Variants in FOXN2 observed in about 807,000 individuals in gnomAD.
FOXN2 encodes forkhead box N2, also known as forkhead box protein N2.
A neutral mutation model predicts 41.2 loss-of-function variants in FOXN2; 19 were observed. The ratio of observed to expected loss-of-function variants is 0.46; its 90% CI spans 0.32 to 0.68. The LOEUF (loss-of-function observed/expected upper bound fraction) is 0.68. Among genes scored for constraint, FOXN2 ranks in the 30% least tolerant of loss-of-function variants. FOXN2 has a pLI of 0.03. For missense variants in FOXN2, 587 were observed against 509.4 expected, an observed-to-expected ratio of 1.15 and a Z score of -1.47; for synonymous variants, 195 against 176.8, an observed-to-expected ratio of 1.10 and a Z score of -0.82.
intron 5 of FOXN2, 146 bp downstream of exon 5, chr2:48,362,853 T>A (rs1242036900): frequency 7.4e-6 from 5 of 679,992 alleles, no homozygotes; most frequent in African/African-American, 5.3e-5. Flanking sequence ...GTTGTAACAT[T>A]GTGGCACAAC....
At chr2:48,313,755 G>A (rs980828080), upstream of FOXN2, among the ~76,000 whole-genome samples, 14 of 151,996 alleles carry the variant, frequency 9.2e-5, no homozygotes, top group African/African-American at 2.9e-4. Flanking sequence ...CTAAGCCTCC[G>A]TTTCCGTATC....
At chr2:48,351,619 C>T (rs1467016071) in intron 3 of FOXN2, among the ~76,000 whole-genome samples, 7 of 152,084 alleles carry the variant, frequency 4.6e-5, no homozygotes, top group Non-Finnish European at 7.4e-5. Context: ...TCATAAGGAG[C>T]GCACAGCCTA....
At chr2:48,354,909 A>G (rs1671691592) in intron 3 of FOXN2, among the ~76,000 whole-genome samples, 1 of 152,208 alleles carries the variant, frequency 6.6e-6, no homozygotes, top group African/African-American at 2.4e-5. Flanking sequence ...ATCTATTAGA[A>G]TTCAAAAATT....
rs897460530 is a variant in FOXN2 at position 48,376,894 on chromosome 2, A to G, written c.*1451A>G. The stretch of plus-strand genomic sequence containing the variant: ...ATTGTATACATATGTACACATACAT[A>G]TACACATATGCACAGTCAAGGTCAT... On this transcript the variant is annotated 3_prime_UTR_variant, in exon 7 of 7. Coordinates refer to ENST00000340553, the MANE Select transcript of FOXN2 (RefSeq NM_002158.4). The G allele has an allele frequency of 2.6e-5, 4 of 152,540 alleles. No homozygotes were observed. Among genetic ancestry groups the G allele is most frequent in the Non-Finnish European group, 5.9e-5 (4 of 67,942 alleles). The allele number at this position is 152,540 out of a possible 1,614,324, so 9.4% of individuals were successfully genotyped here.
intron 1 of FOXN2, among the ~76,000 whole-genome samples, chr2:48,323,853 A>G (rs780122554): frequency 6.6e-6 from 1 of 152,024 alleles, no homozygotes; most frequent in Non-Finnish European, 1.5e-5. Flanking sequence ...TTTTTATAGT[A>G]TAGTTTCAGG....
intron 1 of FOXN2, among the ~76,000 whole-genome samples, chr2:48,325,844 C>CTTTTT (rs959535701): frequency 2.8e-4 from 29 of 102,882 alleles, no homozygotes; most frequent in African/African-American, 5.8e-4. Context: ...CTCAAGATTT[C>CTTTTT]TTTTTTTTTT....
intron 2 of FOXN2, among the ~76,000 whole-genome samples, chr2:48,339,814 G>C (rs954837680): frequency 1.3e-5 from 2 of 152,140 alleles, no homozygotes; most frequent in Admixed American, 6.6e-5. Context: ...TGTATACCAG[G>C]TGATATGAAC....
At chr2:48,327,629 G>C (rs1166744857) in intron 1 of FOXN2, among the ~76,000 whole-genome samples, 1 of 152,056 alleles carries the variant, frequency 6.6e-6, no homozygotes, top group East Asian at 1.9e-4. Context: ...ATTTTTAGTA[G>C]AGACGGTGTT....
In FOXN2 at chr2:48,376,598, A is replaced by G. The variant is rs547460152; in HGVS notation, c.*1155A>G. The G allele has an allele frequency of 1.3e-5, 2 of 152,632 alleles. No individual in the cohort carries two copies. Among genetic ancestry groups the G allele is most frequent in the Admixed American group, 1.3e-4 (2 of 15,276 alleles). The allele number at this position is 152,632 out of a possible 1,614,324, so 9.5% of individuals were successfully genotyped here. On this transcript the variant is annotated 3_prime_UTR_variant, in exon 7 of 7. Transcript: ENST00000340553. ...TTTTGAGGAGGCAGTGTAACAACCT[A>G]TAGTGCCATTGATCCATGAGAAAAA...
intron 1 of FOXN2, among the ~76,000 whole-genome samples, chr2:48,321,133 G>C (rs1669288411): frequency 6.6e-6 from 1 of 152,086 alleles, no homozygotes; most frequent in African/African-American, 2.4e-5. Context: ...CTGTAGTAGA[G>C]CATAAAAATG....
At position 48,375,223 on chromosome 2, in the gene FOXN2, A is replaced by G. The variant is rs1230830192; in HGVS notation, c.1076A>G (p.Asp359Gly). The G allele has an allele frequency of 3.7e-6, 6 of 1,614,164 alleles. No homozygotes were observed. The highest frequency in any genetic ancestry group is 2.5e-6 in the Non-Finnish European group (3 of 1,180,006). The change falls in exon 7 of 7, where the codon GAT (aspartate) becomes GGT (glycine). Residue 359 changes from aspartate (D) to glycine (G), a missense_variant. Transcript: ENST00000340553. Reference protein sequence around the residue: ...SEEDTDVDYEDDPLGDSGYAS... With the variant: ...SEEDTDVDYEGDPLGDSGYAS... ...GAAGATACAGACGTTGATTATGAAGATGATCCTCTTGGAGACAGTGGCTAT... is the reference window on the plus strand; with the variant it reads ...GAAGATACAGACGTTGATTATGAAGGTGATCCTCTTGGAGACAGTGGCTAT...
intron 3 of FOXN2, among the ~76,000 whole-genome samples, chr2:48,353,787 T>C (rs76671606): frequency 6.6e-6 from 1 of 152,296 alleles, no homozygotes; most frequent in East Asian, 1.9e-4. Flanking sequence ...TTGCCTTCTT[T>C]GAAATTGATC....
At chr2:48,373,194 C>A in intron 5 of FOXN2, 98 bp from the exon 6 acceptor site, 1 of 806,604 alleles carries the variant, frequency 1.2e-6, no homozygotes, top group Non-Finnish European at 2.0e-6. Context: ...GAATATACAC[C>A]AAAATTGTAA....
chr2:48,333,701 A>G (rs1029779671), intron 2 of FOXN2, among the ~76,000 whole-genome samples: 7 of 152,346 alleles, frequency 4.6e-5, no homozygotes, highest in African/African-American at 1.7e-4. Context: ...TCCATGATTT[A>G]GAAATCCAAA....
Position 48,333,901 on chromosome 2 carries a change from G to A in FOXN2, c.-15+5199G>A, listed in dbSNP as rs549693385. Among the ~76,000 whole-genome samples the A allele has an allele frequency of 2.6e-5, 4 of 152,256 alleles. No homozygotes were observed. The East Asian group carries it at 5.8e-4, about 22-fold the overall frequency. On this transcript the variant is annotated intron_variant, in intron 2 of 6. Coordinates refer to ENST00000340553, the MANE Select transcript of FOXN2 (RefSeq NM_002158.4). ...ACTAGGATGTGAGGTGTGTGTGTGT[G>A]TGTGTATGTCACCTTTCTGAAATCC...
At chr2:48,314,195 C>A (rs1044682578), upstream of FOXN2, among the ~76,000 whole-genome samples, 1 of 152,258 alleles carries the variant, frequency 6.6e-6, no homozygotes, top group Admixed American at 6.5e-5. Context: ...CGAGGAAGGT[C>A]TCCTCAGCCC....
At chr2:48,326,867 A>G (rs1012390229) in intron 1 of FOXN2, among the ~76,000 whole-genome samples, 1 of 152,220 alleles carries the variant, frequency 6.6e-6, no homozygotes, top group Non-Finnish European at 1.5e-5. Flanking sequence ...CTCATCATGT[A>G]TATACAAGTA....
intron 1 of FOXN2, among the ~76,000 whole-genome samples, chr2:48,315,780 T>G (rs1322893282): frequency 2.0e-5 from 3 of 152,236 alleles, no homozygotes; most frequent in Non-Finnish European, 4.4e-5. Context: ...AGTTGGGGTG[T>G]CTGCTTCGCT....
chr2:48,314,460 G>A (rs2103990772), upstream of FOXN2, among the ~76,000 whole-genome samples: 1 of 152,348 alleles, frequency 6.6e-6, no homozygotes, highest in East Asian at 1.9e-4. Context: ...CACCCCAGCC[G>A]CCGTGCCAGG....
Sources: gnomAD v4.1 joint callset for allele counts (sites outside exome capture counted in the v4.1 genomes callset) on GRCh38, gnomAD v4.1.1 for gene constraint, MANE v1.5 for transcripts, NCBI Gene and HGNC (gene_info 2026-07-23, HGNC 2026-07-21) for gene names.